The following YWHAZ variants were observed in gnomAD, a reference collection of about 807,000 sequenced individuals.
YWHAZ encodes 14-3-3 protein zeta/delta.
For missense variants in YWHAZ, 79 were observed against 284.8 expected, an observed-to-expected ratio of 0.28 and a Z score of 5.20; for synonymous variants, 87 against 103.6, an observed-to-expected ratio of 0.84 and a Z score of 0.97.
rs1812884850 is a variant in YWHAZ at position 100,919,618 on chromosome 8, A to C, written c.*1075T>G. The C allele has an allele frequency of 6.6e-6, 1 of 152,606 alleles. No individual in the cohort carries two copies. The highest frequency in any genetic ancestry group is 6.5e-5 in the Admixed American group (1 of 15,284). 9.5% of individuals were successfully genotyped at this position (152,606 alleles called of 1,614,324 possible). ...CAAGAGGGAATAAGGAATAAATTTC[A>C]AAAAATGTACAATTTCCTTTAGAGA... On this transcript the variant is annotated 3_prime_UTR_variant, in exon 6 of 6. Transcript: ENST00000395958.
chr8:100,934,423 T>A (rs1399047525), intron 2 of YWHAZ, among the ~76,000 whole-genome samples: 1 of 150,520 alleles, frequency 6.6e-6, no homozygotes, highest in Admixed American at 6.6e-5. Flanking sequence ...AGGTACGGGC[T>A]GGTTGTGGTG....
rs2130044202 is a variant in YWHAZ at position 100,917,443 on chromosome 8, G to A, written c.*3250C>T. The A allele has an allele frequency of 6.6e-6, 1 of 152,346 alleles. No individual in the cohort carries two copies. The highest frequency in any genetic ancestry group is 1.9e-4 in the East Asian group (1 of 5,188). 9.4% of individuals were successfully genotyped at this position (152,346 alleles called of 1,614,324 possible). On this transcript the variant is annotated 3_prime_UTR_variant, in exon 6 of 6. Transcript: ENST00000395958. ...AATTTAAAAAAAACATACCAGGGTGGGCACAGTGGCTCACGCCTGTAATCC... is the reference window on the plus strand; with the variant it reads ...AATTTAAAAAAAACATACCAGGGTGAGCACAGTGGCTCACGCCTGTAATCC...
rs1304068254 is a variant in YWHAZ, at chr8:100,918,076, C to T, written c.*2617G>A. On this transcript the variant is annotated 3_prime_UTR_variant, in exon 6 of 6. Transcript: ENST00000395958. ...ATCACATCTCTACTGGGCGCGGTGG[C>T]TTATGCCTGTAATCCCAGCACTTTG... 6.6e-6 allele frequency: 1 copy of T among 151,970 alleles called. No homozygotes were observed. Among genetic ancestry groups the T allele is most frequent in the Non-Finnish European group, 1.5e-5 (1 of 68,024 alleles). The allele number at this position is 151,970 out of a possible 1,614,324, so 9.4% of individuals were successfully genotyped here.
rs555269036 is a variant in YWHAZ at position 100,938,052 on chromosome 8, C to T, written c.294+10544G>A. Among the ~76,000 whole-genome samples the T allele has an allele frequency of 1.1e-3, 161 of 152,224 alleles. 1 individual carries two copies. The highest frequency in any genetic ancestry group is 3.6e-3 in the African/African-American group (151 of 41,508). On this transcript the variant is annotated intron_variant, in intron 2 of 5. Coordinates refer to ENST00000395958, the MANE Select transcript of YWHAZ (RefSeq NM_145690.3). ...AGCTGAGGCGGGAGAATCACTTGAACCCGGGAGGCAGAGGTTGCGGTGAGC... is the reference window on the plus strand; with the variant it reads ...AGCTGAGGCGGGAGAATCACTTGAATCCGGGAGGCAGAGGTTGCGGTGAGC...
At chr8:100,927,298 G>A (rs781118029) in intron 2 of YWHAZ, among the ~76,000 whole-genome samples, 5 of 152,178 alleles carry the variant, frequency 3.3e-5, no homozygotes, top group African/African-American at 7.2e-5. Flanking sequence ...TGAGGTGGGA[G>A]GATCACTTCT....
At position 100,948,259 on chromosome 8, in the gene YWHAZ, T is replaced by G. The variant is rs983621581; in HGVS notation, c.294+337A>C. On this transcript the variant is annotated intron_variant, in intron 2 of 5. Coordinates refer to ENST00000395958, the MANE Select transcript of YWHAZ (RefSeq NM_145690.3). The surrounding 1 kb of genome is among the most constrained non-coding windows in gnomAD (Gnocchi z 4.2). ...AATTCCTTTATCCACAGATGTACAT[T>G]TAAGATAACCAGCTATAGAGCTACT... 2 of 890,236 alleles carry G rather than the reference T, an allele frequency of 2.2e-6. No individual in the cohort carries two copies. The highest frequency in any genetic ancestry group is 3.3e-6 in the Non-Finnish European group (2 of 611,724). The allele number at this position is 890,236 out of a possible 1,614,324, so 55.1% of individuals were successfully genotyped here. A position where few individuals can be genotyped will look rare whatever the true frequency, so the allele number is the denominator to read the frequency against.
intron 1 of YWHAZ, chr8:100,950,657 T>TTGG (rs71276929): frequency 0.016 from 11,393 of 714,868 alleles, 157 homozygotes; most frequent in East Asian, 0.057. Context: ...GCCCAAGCCG[T>TTGG]GGGGGGGGGG....
chr8:100,938,228 A>G (rs892781912), intron 2 of YWHAZ, among the ~76,000 whole-genome samples: 3 of 152,218 alleles, frequency 2.0e-5, no homozygotes, highest in Non-Finnish European at 4.4e-5. Flanking sequence ...CAGTATCTTG[A>G]TAGCAGATTA....
chr8:100,931,027 A>C (rs998156523), intron 2 of YWHAZ, among the ~76,000 whole-genome samples: 5 of 152,016 alleles, frequency 3.3e-5, no homozygotes, highest in East Asian at 3.9e-4. Context: ...TAACCTAACC[A>C]ACAGGTAAAT....
intron 2 of YWHAZ, among the ~76,000 whole-genome samples, chr8:100,926,279 T>C (rs964796329): frequency 6.6e-6 from 1 of 151,608 alleles, no homozygotes; most frequent in Non-Finnish European, 1.5e-5. Context: ...CACTGTGCTA[T>C]ATAAAGAGGT....
intron 5 of YWHAZ, 57 bp downstream of exon 5, chr8:100,923,898 A>G: frequency 2.1e-6 from 3 of 1,431,410 alleles, no homozygotes; most frequent in Non-Finnish European, 1.9e-6. Flanking sequence ...AATTCCCTAG[A>G]GTAAAACATA....
intron 2 of YWHAZ, among the ~76,000 whole-genome samples, chr8:100,938,565 A>G (rs1015802376): frequency 1.3e-5 from 2 of 152,244 alleles, no homozygotes; most frequent in Non-Finnish European, 2.9e-5. Context: ...ACTCTTCAGC[A>G]TAGTGTAGTT....
At chr8:100,945,945 G>A (rs1241764570) in intron 2 of YWHAZ, among the ~76,000 whole-genome samples, 1 of 152,084 alleles carries the variant, frequency 6.6e-6, no homozygotes, top group Non-Finnish European at 1.5e-5. Flanking sequence ...TCTTACTCCT[G>A]AAAAGACCAA....
Position 100,920,351 on chromosome 8 carries a change from G to A in YWHAZ, c.*342C>T. ...ATTCCCCGCCAGGACAAACCAGTATGTAGGCAGTTTTCTTTGCTTAGACAT... is the reference window on the plus strand; with the variant it reads ...ATTCCCCGCCAGGACAAACCAGTATATAGGCAGTTTTCTTTGCTTAGACAT... On this transcript the variant is annotated 3_prime_UTR_variant, in exon 6 of 6. Transcript: ENST00000395958. 4.0e-6 allele frequency: 1 copy of A among 250,838 alleles called. No homozygotes were observed. The highest frequency in any genetic ancestry group is 7.7e-6 in the Non-Finnish European group (1 of 130,662). The allele number at this position is 250,838 out of a possible 1,614,324, so 15.5% of individuals were successfully genotyped here. A position where few individuals can be genotyped will look rare whatever the true frequency, so the allele number is the denominator to read the frequency against.
chr8:100,928,048 G>C (rs1196092269), intron 2 of YWHAZ, among the ~76,000 whole-genome samples: 1 of 152,222 alleles, frequency 6.6e-6, no homozygotes, highest in Non-Finnish European at 1.5e-5. Flanking sequence ...GGGAGGCTGA[G>C]GTGGGCGGAT....
Position 100,948,011 on chromosome 8 carries a change from A to T in YWHAZ, c.294+585T>A, listed in dbSNP as rs1381550819. 1 of 1,251,758 alleles carries T rather than the reference A, an allele frequency of 8.0e-7. No homozygotes were observed. Among genetic ancestry groups the T allele is most frequent in the African/African-American group, 1.5e-5 (1 of 66,660 alleles). The allele number at this position is 1,251,758 out of a possible 1,614,324, so 77.5% of individuals were successfully genotyped here. On this transcript the variant is annotated intron_variant, in intron 2 of 5. Transcript: ENST00000395958. This position sits in a 1 kb window ranked among gnomAD's most constrained non-coding sequence, Gnocchi z 4.2. ...ACTGAATACTTAAAATACTCGATTC[A>T]AACTGGAAAATCAAGCTTGAGTTGT...
At chr8:100,951,503 G>T in intron 1 of YWHAZ, 1 of 985,784 alleles carries the variant, frequency 1.0e-6, no homozygotes, top group Non-Finnish European at 1.2e-6. Context: ...TCATTATCTC[G>T]GGCGGAAGCG....
At position 100,917,092 on chromosome 8, in the gene YWHAZ, T is replaced by A. The variant is rs563489079; in HGVS notation, c.*3601A>T. 6.9e-6 allele frequency: 1 copy of A among 145,054 alleles called. No individual in the cohort carries two copies. Among genetic ancestry groups the A allele is most frequent in the East Asian group, 1.9e-4 (1 of 5,200 alleles). The allele number at this position is 145,054 out of a possible 1,614,324, so 9.0% of individuals were successfully genotyped here. ...GAGCATAGAGCACCAGTTTTCAAAG[T>A]CAAAGTTTCACTCTCCATTTGAAGC... On this transcript the variant is annotated 3_prime_UTR_variant, in exon 6 of 6. Transcript: ENST00000395958.
At position 100,948,491 on chromosome 8, in the gene YWHAZ, A is replaced by G. The variant is rs1810471147; in HGVS notation, c.294+105T>C. The G allele has an allele frequency of 2.3e-6, 3 of 1,286,342 alleles. No individual in the cohort carries two copies. In the Admixed American group the frequency reaches 7.0e-5, roughly 30 times the overall value. The allele number at this position is 1,286,342 out of a possible 1,614,324, so 79.7% of individuals were successfully genotyped here. Reference sequence around the variant, plus strand: ...GAAGACTTTTAAATTTGGAACACACAATGTTTAGAAGGAAAAGAAAAACCA... The same window carrying G: ...GAAGACTTTTAAATTTGGAACACACGATGTTTAGAAGGAAAAGAAAAACCA... On this transcript the variant is annotated intron_variant, in intron 2 of 5. Transcript: ENST00000395958. The surrounding 1 kb of genome is among the most constrained non-coding windows in gnomAD (Gnocchi z 4.2).
Sources: allele counts gnomAD v4.1 joint callset (sites outside exome capture counted in the v4.1 genomes callset), GRCh38; gene constraint gnomAD v4.1.1; non-coding constraint Gnocchi (gnomAD v3.1); transcripts MANE v1.5; gene names NCBI Gene and HGNC (gene_info 2026-07-23, HGNC 2026-07-21).